The following LRP6 variants were observed in gnomAD, a reference collection of about 807,000 sequenced individuals.
LRP6 encodes low-density lipoprotein receptor-related protein 6.
A neutral mutation model predicts 184.1 loss-of-function variants in LRP6; 43 were observed. That is an observed-to-expected ratio of 0.23 (90% CI 0.18 to 0.30). LRP6 has a LOEUF of 0.30. LRP6 is among the 10% of genes least tolerant of loss of function. The pLI is 1.00. For missense variants in LRP6, 1,571 were observed against 2,005.3 expected, an observed-to-expected ratio of 0.78 and a Z score of 4.14; for synonymous variants, 719 against 684.9, an observed-to-expected ratio of 1.05 and a Z score of -0.78.
intron 2 of LRP6, chr12:12,226,602 T>C (rs956178560): frequency 3.3e-5 from 5 of 152,014 alleles, no homozygotes; most frequent in African/African-American, 4.8e-5. Context: ...AATATGTCAA[T>C]AGAAACTTCC....
intron 3 of LRP6, 44 bp downstream of exon 3, chr12:12,203,159 C>CAGA: frequency 7.1e-7 from 1 of 1,399,224 alleles, no homozygotes; most frequent in Non-Finnish European, 9.9e-7. Context: ...ATCAAGGCTT[C>CAGA]ATCGAGTTTT....
At chr12:12,240,160 C>G (rs1237381541) in intron 2 of LRP6, among the ~76,000 whole-genome samples, 1 of 152,176 alleles carries the variant, frequency 6.6e-6, no homozygotes, top group Non-Finnish European at 1.5e-5. Context: ...AGTGGTTCTT[C>G]TAACACATCA....
chr12:12,121,378 T>C lies in LRP6; in HGVS notation c.4590A>G (p.Thr1530=). Residue 1530 remains threonine (T), a synonymous_variant, in exon 23 of 23, where the codon ACA becomes ACG. Transcript: ENST00000261349. ...YSYRHFAPPT[T]PCSTDVCDSD... ...TGTCACAAACATCTGTGCTGCAGGG[T>C]GTGGTGGGGGGTGCAAAGTGCCGGT... 1 of 1,613,618 alleles carries C rather than the reference T, an allele frequency of 6.2e-7. No homozygotes were observed. The highest frequency in any genetic ancestry group is 8.5e-7 in the Non-Finnish European group (1 of 1,179,926).
At chr12:12,127,652 G>A (rs1949691210) in intron 19 of LRP6, among the ~76,000 whole-genome samples, 1 of 150,252 alleles carries the variant, frequency 6.7e-6, no homozygotes. Flanking sequence ...ACCCGTTTAA[G>A]AAGCAGAGGG....
chr12:12,206,214 A>G (rs1591946927), intron 2 of LRP6, among the ~76,000 whole-genome samples: 1 of 152,310 alleles, frequency 6.6e-6, no homozygotes, highest in East Asian at 1.9e-4. Flanking sequence ...GCGACACATG[A>G]CTATATATAG....
intron 3 of LRP6, among the ~76,000 whole-genome samples, 195 bp downstream of exon 3, chr12:12,203,008 T>TCTACATG (rs1340922447): frequency 2.0e-5 from 3 of 152,214 alleles, no homozygotes; most frequent in Non-Finnish European, 4.4e-5. Context: ...GTCTGTAAAT[T>TCTACATG]CTAAATGCTA....
chr12:12,197,462 T>C (rs1024751399), intron 3 of LRP6, among the ~76,000 whole-genome samples: 1 of 152,248 alleles, frequency 6.6e-6, no homozygotes, highest in South Asian at 2.1e-4. Context: ...GATCTAGTCC[T>C]CTTCAGTGTT....
intron 17 of LRP6, among the ~76,000 whole-genome samples, chr12:12,133,634 ATC>A (rs1399162778): frequency 3.3e-5 from 5 of 152,264 alleles, no homozygotes; most frequent in Middle Eastern, 3.4e-3. Context: ...AGTTGTATAC[ATC>A]TGTCAAAACT....
intron 1 of LRP6, among the ~76,000 whole-genome samples, chr12:12,254,774 T>A (rs11054746): frequency 6.6e-6 from 1 of 152,192 alleles, no homozygotes; most frequent in African/African-American, 2.4e-5. Context: ...GCCTGGTAAC[T>A]GGCTTACAGA....
In LRP6 at chr12:12,121,354, G is replaced by A; in HGVS notation, c.4614C>T (p.Asp1538=). The A allele has an allele frequency of 6.2e-7, 1 of 1,614,178 alleles. No individual in the cohort carries two copies. The highest frequency in any genetic ancestry group is 8.5e-7 in the Non-Finnish European group (1 of 1,180,026). Residue 1538 remains aspartate (D), a synonymous_variant, in exon 23 of 23, where the codon GAC becomes GAT. Coordinates refer to ENST00000261349, the MANE Select transcript of LRP6 (RefSeq NM_002336.3). ...PTTPCSTDVC[D]SDYAPSRRMT... is the part of the protein sequence containing the mutation. Reference sequence around the variant, plus strand: ...TTCTCCGACTAGGAGCATAGTCACTGTCACAAACATCTGTGCTGCAGGGTG... The same window carrying A: ...TTCTCCGACTAGGAGCATAGTCACTATCACAAACATCTGTGCTGCAGGGTG...
At chr12:12,266,095 G>A (rs1865750135) in intron 1 of LRP6, among the ~76,000 whole-genome samples, 1 of 152,140 alleles carries the variant, frequency 6.6e-6, no homozygotes. Context: ...GGCTCCCAAT[G>A]CTGAAACGCT....
At chr12:12,127,660 G>A (rs1048582280) in intron 19 of LRP6, among the ~76,000 whole-genome samples, 1 of 152,080 alleles carries the variant, frequency 6.6e-6, no homozygotes, top group South Asian at 2.1e-4. Context: ...AAGAAGCAGA[G>A]GGCATCAATA....
intron 2 of LRP6, among the ~76,000 whole-genome samples, chr12:12,226,433 C>T (rs1041955818): frequency 2.6e-5 from 4 of 151,878 alleles, no homozygotes; most frequent in East Asian, 1.9e-4. Flanking sequence ...AGGATGCTAA[C>T]GGGAAAAAAC....
chr12:12,164,710 C>T (rs1275843620), intron 8 of LRP6, 148 bp from the exon 9 acceptor site: 4 of 739,688 alleles, frequency 5.4e-6, no homozygotes, highest in African/African-American at 3.5e-5. Flanking sequence ...TCTAATATCA[C>T]AAACAAGTAA....
At chr12:12,155,222 T>G in intron 12 of LRP6, 1 of 673,274 alleles carries the variant, frequency 1.5e-6, no homozygotes, top group Non-Finnish European at 2.7e-6. Context: ...AAACAAAAAG[T>G]CTTTCAGCCA....
chr12:12,137,093 T>TG (rs1221430956), intron 16 of LRP6, among the ~76,000 whole-genome samples: 7 of 152,214 alleles, frequency 4.6e-5, no homozygotes, highest in Non-Finnish European at 8.8e-5. Flanking sequence ...TCTAAATTCA[T>TG]GAACTGTACC....
At position 12,184,389 on chromosome 12, in the gene LRP6, AAAACAAAC is replaced by A. The variant is rs1555113238; in HGVS notation, c.845-286_845-279del. Reference sequence around the variant, plus strand: ...ACAAAATTAACAAAAAGCAAAACTAAAAACAAACAAACAAACAAACAAAACCAATAAAA... The same window carrying A: ...ACAAAATTAACAAAAAGCAAAACTAAAAACAAACAAACAAAACCAATAAAA... On this transcript the variant is annotated intron_variant, in intron 4 of 22. Coordinates refer to ENST00000261349, the MANE Select transcript of LRP6 (RefSeq NM_002336.3). Among the ~76,000 whole-genome samples the A allele has an allele frequency of 5.8e-3, 614 of 106,318 alleles. 4 individuals are homozygous for A. The highest frequency in any genetic ancestry group is 0.017 in the African/African-American group (586 of 34,578). The allele number at this position is 106,318 out of a possible 152,430, so 69.7% of individuals were successfully genotyped here.
chr12:12,245,329 T>C (rs1865158119), intron 1 of LRP6, among the ~76,000 whole-genome samples: 3 of 152,086 alleles, frequency 2.0e-5, no homozygotes, highest in African/African-American at 7.2e-5. Context: ...AAAACAAAGG[T>C]ATATATTGCA....
chr12:12,220,599 G>GT (rs113682151), intron 2 of LRP6, among the ~76,000 whole-genome samples: 241 of 130,068 alleles, frequency 1.9e-3, no homozygotes, highest in Non-Finnish European at 2.0e-3. Flanking sequence ...ATTTTTCTTA[G>GT]TTTTTTTTTT....
Sources: gnomAD v4.1 joint callset for allele counts (sites outside exome capture counted in the v4.1 genomes callset) on GRCh38, gnomAD v4.1.1 for gene constraint, MANE v1.5 for transcripts, NCBI Gene and HGNC (gene_info 2026-07-23, HGNC 2026-07-21) for gene names.